TMC6: variants seen among roughly 807,000 people sequenced by gnomAD.
TMC6 encodes the protein transmembrane channel-like protein 6.
TMC6 carries 71 observed loss-of-function variants against 95.4 expected under a neutral mutation model. The observed-to-expected ratio is 0.74, with a 90% confidence interval of 0.61 to 0.91. The LOEUF (loss-of-function observed/expected upper bound fraction) is 0.91, where lower values mean the gene tolerates loss of function less well. Ranked by LOEUF, TMC6 falls within the 40% of genes least tolerant of loss-of-function variation. The pLI is 0.00. For missense variants in TMC6, 1,074 were observed against 1,079.1 expected (o/e 1.00, Z 0.07); for synonymous variants, 514 against 483.1 (o/e 1.06, Z -0.84).
chr17:78,113,258 C>G, intron 19 of TMC6, 47 bp from the exon 20 acceptor site: 1 of 1,537,180 alleles, frequency 6.5e-7, no homozygotes, highest in Non-Finnish European at 8.8e-7. Flanking sequence ...ACATCAACAT[C>G]CCTGCAACCT....
At chr17:78,113,261 T>C (rs1174299633) in intron 19 of TMC6, 50 bp from the exon 20 acceptor site, 10 of 1,531,938 alleles carry the variant, frequency 6.5e-6, no homozygotes, top group African/African-American at 1.4e-5. Flanking sequence ...TCAACATCCC[T>C]GCAACCTGGC....
In TMC6 at chr17:78,117,272, G is replaced by A. The variant is rs201651509; in HGVS notation, c.2274C>T (p.Ser758=). The part of the protein sequence containing the change: ...KVICLLKEQI[S]NEGEDKIFLI... ...GCAGCCCAGGAGGGGCACTCACATT[G>A]CTGATCTGCTCCTTGAGCAGGCAGA... Residue 758 remains serine, a synonymous_variant, in exon 18 of 20, where the codon AGC becomes AGT. Coordinates refer to ENST00000590602, the MANE Select transcript of TMC6 (RefSeq NM_001127198.5). 36 of 1,613,502 alleles carry A rather than the reference G, an allele frequency of 2.2e-5. No individual in the cohort carries two copies. In the East Asian group the frequency reaches 7.8e-4, roughly 35 times the overall value.
chr17:78,127,558 C>T (rs1048930677), intron 1 of TMC6, among the ~76,000 whole-genome samples: 1 of 152,252 alleles, frequency 6.6e-6, no homozygotes, highest in African/African-American at 2.4e-5. Context: ...TGTCCTGGCT[C>T]TGCCGTCACC....
intron 5 of TMC6, 40 bp from the exon 6 acceptor site, chr17:78,125,303 C>A (rs1473550383): frequency 1.3e-6 from 2 of 1,530,004 alleles, no homozygotes; most frequent in Admixed American, 2.0e-5. Flanking sequence ...TCCCCAAGTG[C>A]CCCTCCCTGC....
intron 18 of TMC6, among the ~76,000 whole-genome samples, chr17:78,115,461 C>G (rs1448203801): frequency 6.6e-6 from 1 of 152,152 alleles, no homozygotes; most frequent in Admixed American, 6.5e-5. Flanking sequence ...CAGCAGGACG[C>G]AAGCCTGGAA....
At chr17:78,126,238 G>C (rs748319093) in intron 4 of TMC6, 39 bp downstream of exon 4, 5 of 1,540,286 alleles carry the variant, frequency 3.2e-6, no homozygotes, top group African/African-American at 1.4e-5. Context: ...GGGTCAACTC[G>C]GGGCCGGGGC....
chr17:78,118,074 A>G (rs1299526704), intron 15 of TMC6, 139 bp from the exon 16 acceptor site: 65 of 1,418,456 alleles, frequency 4.6e-5, no homozygotes, highest in Non-Finnish European at 6.0e-5. Context: ...CAGCCTCCTC[A>G]TTTACAGAGG....
intron 14 of TMC6, 67 bp downstream of exon 14, chr17:78,119,230 G>C (rs912957287): frequency 1.5e-5 from 23 of 1,586,172 alleles, no homozygotes; most frequent in Non-Finnish European, 1.9e-5. Context: ...GCAGGTACAG[G>C]ACCCCCGGGG....
At chr17:78,132,206 C>A (rs578180734), upstream of TMC6, 1 of 1,371,876 alleles carries the variant, frequency 7.3e-7, no homozygotes, top group African/African-American at 1.4e-5. Flanking sequence ...GCCCACGCAG[C>A]ACCCCCAGGT....
intron 14 of TMC6, 71 bp downstream of exon 14, chr17:78,119,226 A>C: frequency 1.9e-6 from 3 of 1,574,546 alleles, no homozygotes; most frequent in Non-Finnish European, 2.6e-6. Flanking sequence ...GGAGGCAGGT[A>C]CAGGACCCCC....
intron 18 of TMC6, among the ~76,000 whole-genome samples, chr17:78,115,490 C>CAGA (rs1196526395): frequency 6.6e-6 from 1 of 152,180 alleles, no homozygotes; most frequent in Non-Finnish European, 1.5e-5. Flanking sequence ...GGACCTGCTT[C>CAGA]ACGGGGGGCC....
At chr17:78,117,446 C>G in intron 17 of TMC6, 22 bp downstream of exon 17, 1 of 1,610,316 alleles carries the variant, frequency 6.2e-7, no homozygotes, top group Non-Finnish European at 8.5e-7. Flanking sequence ...TCCCCAGGGC[C>G]GCCCCCACCT....
At position 78,113,047 on chromosome 17, in the gene TMC6, CG is replaced by C. The variant is rs2073870478; in HGVS notation, c.*100del. 7.0e-7 allele frequency: 1 copy of C among 1,431,436 alleles called. No individual in the cohort carries two copies. Among genetic ancestry groups the C allele is most frequent in the Non-Finnish European group, 9.6e-7 (1 of 1,042,316 alleles). 88.7% of individuals were successfully genotyped at this position (1,431,436 alleles called of 1,614,324 possible). ...AGGCGCAGCTGCGGCTTTCGAGAGG[CG>C]AAACTGTCTTCCTTGTCCTGGTGTC... On this transcript the variant is annotated 3_prime_UTR_variant, in exon 20 of 20. Coordinates refer to ENST00000590602, the MANE Select transcript of TMC6 (RefSeq NM_001127198.5).
chr17:78,124,555 A>T lies in TMC6; in HGVS notation c.860T>A (p.Val287Asp), dbSNP rs1294683657. Reference protein sequence around the residue: ...FPPALPGPAPVCTGLELLTGA... With the variant: ...FPPALPGPAPDCTGLELLTGA... ...TGTGAGGAGCTCCAGGCCTGTGCAG[A>T]CGGGGGCAGGGCCCGGCAGGGCGGG... Residue 287 changes from valine (V) to aspartate (D), a missense_variant, in exon 8 of 20, where the codon GTC becomes GAC. Coordinates refer to ENST00000590602, the MANE Select transcript of TMC6 (RefSeq NM_001127198.5). 2 of 1,611,922 alleles carry T rather than the reference A, an allele frequency of 1.2e-6. No homozygotes were observed. Among genetic ancestry groups the T allele is most frequent in the African/African-American group, 2.7e-5 (2 of 75,026 alleles).
chr17:78,121,313 A>G lies in TMC6; in HGVS notation c.1384-149T>C. 5 of 1,386,630 alleles carry G rather than the reference A, an allele frequency of 3.6e-6. No individual in the cohort carries two copies. The South Asian group carries it at 5.1e-5, about 14-fold the overall frequency. The allele number at this position is 1,386,630 out of a possible 1,614,324, so 85.9% of individuals were successfully genotyped here. A position where few individuals can be genotyped will look rare whatever the true frequency, so the allele number is the denominator to read the frequency against. ...CCCAGGCCTCAAGTTCAAACCACACAGGAAGCAGGGAGGGGTACAAGTAGT... is the reference window on the plus strand; with the variant it reads ...CCCAGGCCTCAAGTTCAAACCACACGGGAAGCAGGGAGGGGTACAAGTAGT... On this transcript the variant is annotated intron_variant, in intron 11 of 19. Transcript: ENST00000590602. This position sits in a 1 kb window ranked among gnomAD's most constrained non-coding sequence, Gnocchi z 5.6.
chr17:78,114,961 C>T lies in TMC6; in HGVS notation c.2278-1337G>A, dbSNP rs551676393. On this transcript the variant is annotated intron_variant, in intron 18 of 19. Coordinates refer to ENST00000590602, the MANE Select transcript of TMC6 (RefSeq NM_001127198.5). The stretch of plus-strand genomic sequence containing the variant: ...CCAGCACCACTCTGCATTCCCCGCC[C>T]GGACCCACCTGGCCCTACCTGGCCC... Among the ~76,000 whole-genome samples, 42 of 152,362 alleles carry T rather than the reference C, an allele frequency of 2.8e-4. 1 individual carries two copies. Among genetic ancestry groups the T allele is most frequent in the East Asian group, 5.8e-4 (3 of 5,186 alleles).
intron 15 of TMC6, among the ~76,000 whole-genome samples, chr17:78,118,366 T>C (rs2074238959): frequency 6.6e-6 from 1 of 151,898 alleles, no homozygotes; most frequent in Non-Finnish European, 1.5e-5. Flanking sequence ...CCATCCTGGC[T>C]AACACAGTGA....
rs369378117 is a variant in TMC6, at chr17:78,120,886, C to T, written c.1536-54G>A. The T allele has an allele frequency of 1.6e-5, 25 of 1,610,398 alleles. No individual in the cohort carries two copies. In the African/African-American group the frequency reaches 2.7e-4, roughly 17 times the overall value. ...GGGCGGGTACAGGGGACAGAAGATG[C>T]ACCCCAGGGCCCCCACCAGGGGCTT... On this transcript the variant is annotated intron_variant, in intron 12 of 19. Coordinates refer to ENST00000590602, the MANE Select transcript of TMC6 (RefSeq NM_001127198.5).
At position 78,124,074 on chromosome 17, in the gene TMC6, CCACCCTGGG is replaced by C; in HGVS notation, c.988_996del (p.Pro330_Val332del). ...AGGGGCATGTTGTAGGGCAGGCCACCCACCCTGGGTGTGCACTGGCTGCCATCCAGGGGG... is the reference window on the plus strand; with the variant it reads ...AGGGGCATGTTGTAGGGCAGGCCACCTGTGCACTGGCTGCCATCCAGGGGG... On this transcript the variant is annotated inframe_deletion, in exon 9 of 20. Transcript: ENST00000590602. 6.2e-7 allele frequency: 1 copy of C among 1,613,458 alleles called. No homozygotes were observed. Among genetic ancestry groups the C allele is most frequent in the East Asian group, 2.2e-5 (1 of 44,882 alleles).
Sources: gnomAD v4.1 joint callset for allele counts (sites outside exome capture counted in the v4.1 genomes callset) on GRCh38, gnomAD v4.1.1 for gene constraint, Gnocchi (gnomAD v3.1) non-coding constraint, MANE v1.5 for transcripts, NCBI Gene and HGNC (gene_info 2026-07-23, HGNC 2026-07-21) for gene names.